SASH1: variants seen among roughly 807,000 people sequenced by gnomAD.
SASH1 encodes SAM and SH3 domain containing 1.
Under a neutral mutation model 125.2 loss-of-function variants are expected in SASH1, and 44 were observed. The ratio of observed to expected loss-of-function variants is 0.35; its 90% CI spans 0.28 to 0.45. The LOEUF is 0.45. Among genes scored for constraint, SASH1 ranks in the 20% least tolerant of loss-of-function variants. SASH1 has a pLI of 1.00. For synonymous variants in SASH1, 639 were observed against 649.1 expected (o/e 0.98, Z 0.24); for missense variants, 1,426 against 1,614.5 (o/e 0.88, Z 2.00).
intron 18 of SASH1, among the ~76,000 whole-genome samples, chr6:148,545,286 AG>A (rs1426757566): frequency 6.6e-6 from 1 of 152,246 alleles, no homozygotes; most frequent in Non-Finnish European, 1.5e-5. Flanking sequence ...CAGATACAGC[AG>A]TACTTTACTC....
At chr6:148,246,979 A>G in the SASH1 span, among the ~76,000 whole-genome samples, 2 of 152,236 alleles carry the variant, frequency 1.3e-5, no homozygotes, top group East Asian at 3.9e-4. Flanking sequence ...TCTAGTGGGG[A>G]GACAAATAAA....
At chr6:148,407,913 G>A (rs62432284) in intron 2 of SASH1, among the ~76,000 whole-genome samples, 23,104 of 151,976 alleles carry the variant, frequency 0.15, 1,939 homozygotes, top group South Asian at 0.28. Context: ...GATTACAGGC[G>A]TGAGCCACCG....
chr6:148,547,832 C>CTT (rs1431094948), intron 19 of SASH1, among the ~76,000 whole-genome samples: 1 of 152,176 alleles, frequency 6.6e-6, no homozygotes, highest in Non-Finnish European at 1.5e-5. Flanking sequence ...TTCTTCATAA[C>CTT]TTGTATTGAC....
chr6:148,441,713 G>T (rs921911202), intron 4 of SASH1, among the ~76,000 whole-genome samples: 2 of 152,186 alleles, frequency 1.3e-5, no homozygotes, highest in African/African-American at 4.8e-5. Context: ...CAGGAAACGA[G>T]AAATGTTTGC....
At chr6:148,326,376 A>ATTCTTTTTTTTTCTTTTCTT (rs1780824491) in intron 1 of SASH1, among the ~76,000 whole-genome samples, 1 of 38,294 alleles carries the variant, frequency 2.6e-5, no homozygotes, top group Non-Finnish European at 5.0e-5. Context: ...ATATATATAC[A>ATTCTTTTTTTTTCTTTTCTT]TTCTTTTCTT....
intron 1 of SASH1, among the ~76,000 whole-genome samples, chr6:148,279,242 C>G: frequency 6.6e-6 from 1 of 152,226 alleles, no homozygotes; most frequent in Non-Finnish European, 1.5e-5. Flanking sequence ...CCGCCTACCT[C>G]GGCCCCCAAA....
At chr6:148,210,234 G>C in the SASH1 span, among the ~76,000 whole-genome samples, 55 of 152,178 alleles carry the variant, frequency 3.6e-4, no homozygotes, top group African/African-American at 1.2e-3. Context: ...AATTGAAAAT[G>C]CTGCAAAAAC....
At chr6:148,367,505 C>T (rs906952524) in intron 1 of SASH1, among the ~76,000 whole-genome samples, 31 of 152,236 alleles carry the variant, frequency 2.0e-4, no homozygotes, top group African/African-American at 5.1e-4. Context: ...TTTACGTCCT[C>T]GGGCTGAACC....
At chr6:148,235,499 C>A in the SASH1 span, among the ~76,000 whole-genome samples, 1 of 152,122 alleles carries the variant, frequency 6.6e-6, no homozygotes, top group African/African-American at 2.4e-5. Flanking sequence ...TGATTAGAAA[C>A]TGTATAATTT....
At position 148,302,675 on chromosome 6, in the gene SASH1, ACACACG is replaced by A. The variant is rs201367690; in HGVS notation, n.74+30299_74+30304del. ...TGTGTATATATATACACACACACACACACACGGAGAAATATATATATACACACTGTG... is the reference window on the plus strand; with the variant it reads ...TGTGTATATATATACACACACACACAGAGAAATATATATATACACACTGTG... On this transcript the variant is annotated intron_variant and non_coding_transcript_variant, in intron 1 of 3. Coordinates refer to the SASH1 transcript ENST00000367469. Among the ~76,000 whole-genome samples the A allele has an allele frequency of 6.1e-3, 418 of 68,686 alleles. 3 individuals are homozygous for A. The highest frequency in any genetic ancestry group is 0.023 in the African/African-American group (397 of 17,236). The allele number at this position is 68,686 out of a possible 152,430, so 45.1% of individuals were successfully genotyped here.
In SASH1 at chr6:148,326,645, G is replaced by A. The variant is rs1468623581; in HGVS notation, n.74+54268G>A. On this transcript the variant is annotated intron_variant and non_coding_transcript_variant, in intron 1 of 3. Transcript: ENST00000367469. Reference sequence around the variant, plus strand: ...TTGAACTCCTGACCTCAGGTGATCCGCCTGCGTCGGCCTTCCAAAGTGCTG... The same window carrying A: ...TTGAACTCCTGACCTCAGGTGATCCACCTGCGTCGGCCTTCCAAAGTGCTG... Among the ~76,000 whole-genome samples the A allele has an allele frequency of 1.6e-4, 24 of 150,444 alleles. 1 individual carries two copies. Among genetic ancestry groups the A allele is most frequent in the Admixed American group, 1.2e-3 (18 of 15,022 alleles).
At chr6:148,524,368 T>C (rs1046974959) in intron 10 of SASH1, 5 of 151,862 alleles carry the variant, frequency 3.3e-5, no homozygotes, top group Admixed American at 2.6e-4. Context: ...AAAAGATAAT[T>C]AGCTGTAACA....
At chr6:148,236,423 G>C in the SASH1 span, among the ~76,000 whole-genome samples, 1 of 152,098 alleles carries the variant, frequency 6.6e-6, no homozygotes, top group Non-Finnish European at 1.5e-5. Context: ...TGTTGGCCAG[G>C]CTGGTCTTGA....
intron 1 of SASH1, among the ~76,000 whole-genome samples, chr6:148,323,160 C>T (rs1780698263): frequency 1.3e-5 from 2 of 152,040 alleles, no homozygotes; most frequent in South Asian, 4.1e-4. Context: ...CAGGCATGTA[C>T]CACCATGCCC....
the SASH1 span, among the ~76,000 whole-genome samples, chr6:148,251,297 G>A: frequency 6.6e-6 from 1 of 152,132 alleles, no homozygotes; most frequent in East Asian, 1.9e-4. Flanking sequence ...TCTGTATTTG[G>A]AATTGTTTTG....
chr6:148,199,793 A>G, the SASH1 span, among the ~76,000 whole-genome samples: 1 of 149,056 alleles, frequency 6.7e-6, no homozygotes, highest in African/African-American at 2.4e-5. Flanking sequence ...AAGGAAGGAG[A>G]GAGAGAGAGA....
chr6:148,495,506 T>C lies in SASH1; in HGVS notation c.729+7791T>C, dbSNP rs926503038. Reference sequence around the variant, plus strand: ...AGACACTAGGTTAAAATTTACCAGATGTTTTATTTTTACATTTCAAAGGTG... The same window carrying C: ...AGACACTAGGTTAAAATTTACCAGACGTTTTATTTTTACATTTCAAAGGTG... On this transcript the variant is annotated intron_variant, in intron 8 of 19. Coordinates refer to ENST00000367467, the MANE Select transcript of SASH1 (RefSeq NM_015278.5). The surrounding 1 kb of genome is among the most constrained non-coding windows in gnomAD (Gnocchi z 4.0). Among the ~76,000 whole-genome samples the C allele has an allele frequency of 2.0e-5, 3 of 152,256 alleles. No homozygotes were observed. The highest frequency in any genetic ancestry group is 2.9e-5 in the Non-Finnish European group (2 of 68,052).
chr6:148,452,664 G>A (rs1489182274), intron 4 of SASH1, among the ~76,000 whole-genome samples: 2 of 151,788 alleles, frequency 1.3e-5, no homozygotes, highest in Non-Finnish European at 2.9e-5. Flanking sequence ...CCAGCACACT[G>A]CCTGGCACGC....
chr6:148,256,111 A>T, the SASH1 span, among the ~76,000 whole-genome samples: 5 of 152,300 alleles, frequency 3.3e-5, no homozygotes, highest in African/African-American at 9.6e-5. Flanking sequence ...TCTGCCCTAT[A>T]GCTGAGTTGG....
Sources: gnomAD v4.1 joint callset for allele counts (sites outside exome capture counted in the v4.1 genomes callset) on GRCh38, gnomAD v4.1.1 for gene constraint, Gnocchi (gnomAD v3.1) non-coding constraint, MANE v1.5 for transcripts, NCBI Gene and HGNC (gene_info 2026-07-23, HGNC 2026-07-21) for gene names.